The following MRPL37 variants were observed in gnomAD, a reference collection of about 807,000 sequenced individuals.
MRPL37 encodes the protein mitochondrial ribosomal protein L37.
In MRPL37, 34 loss-of-function variants were observed where a neutral mutation model predicts 44.1. The observed-to-expected ratio is 0.77, with a 90% CI of 0.59 to 1.03. MRPL37 has a LOEUF of 1.03. Ranked by LOEUF, MRPL37 falls within the 50% of genes least tolerant of loss-of-function variation. The pLI is 0.00. For synonymous variants in MRPL37, 212 were observed against 219.5 expected (o/e 0.97, Z 0.30); for missense variants, 532 against 543.7 (o/e 0.98, Z 0.21).
downstream of MRPL37, among the ~76,000 whole-genome samples, chr1:54,220,265 C>T (rs1428481095): frequency 6.6e-6 from 1 of 152,154 alleles, no homozygotes; most frequent in South Asian, 2.1e-4. Flanking sequence ...GCGAGTGGGA[C>T]GGAGGCTCTG....
downstream of MRPL37, among the ~76,000 whole-genome samples, chr1:54,221,950 C>T (rs957030819): frequency 2.6e-5 from 4 of 152,202 alleles, no homozygotes; most frequent in African/African-American, 9.7e-5. Flanking sequence ...TGGACACGGC[C>T]AGAGTGGTCT....
At position 54,200,365 on chromosome 1, in the gene MRPL37, C is replaced by T. The variant is rs1644069098; in HGVS notation, c.122C>T (p.Ser41Leu). The change falls in exon 1 of 7, where the codon TCG becomes TTG. Residue 41 changes from serine (S) to leucine (L), a missense_variant. Physicochemically the swap from Ser to Leu is moderately radical, Grantham distance 145 (BLOSUM62 -2). Transcript: ENST00000360840. The part of the protein sequence containing the change: ...YEWGVRSTRK[S>L]EPPPLDRVYE... ...TGGGGCGTGCGCTCCACGCGGAAGT[C>T]GGAGCCTCCTCCCCTGGATAGGGTG... 1.2e-6 allele frequency: 2 copies of T among 1,614,186 alleles called. No individual in the cohort carries two copies. The highest frequency in any genetic ancestry group is 1.7e-6 in the Non-Finnish European group (2 of 1,180,016).
At chr1:54,202,147 G>T (rs991006835) in intron 1 of MRPL37, among the ~76,000 whole-genome samples, 3 of 151,852 alleles carry the variant, frequency 2.0e-5, no homozygotes, top group Non-Finnish European at 2.9e-5. Flanking sequence ...GACCACAGGC[G>T]CATGCCACCA....
rs147081364 is a variant in MRPL37 at position 54,214,057 on chromosome 1, C to T, written c.990+1399C>T. 6.9e-4 allele frequency among the ~76,000 whole-genome samples: 105 copies of T among 152,280 alleles called. 1 individual carries two copies. Among genetic ancestry groups the T allele is most frequent in the East Asian group, 3.9e-3 (20 of 5,192 alleles). ...GATTAGCTGGGTGTGGTGGCATGCA[C>T]GTGTAATCCCAGCTACTCGGGAGGC... On this transcript the variant is annotated intron_variant, in intron 5 of 6. Transcript: ENST00000360840.
At chr1:54,210,609 C>CATG (rs1228407280) in intron 4 of MRPL37, among the ~76,000 whole-genome samples, 1 of 152,154 alleles carries the variant, frequency 6.6e-6, no homozygotes, top group Non-Finnish European at 1.5e-5. Context: ...AGCAAGGGAC[C>CATG]ACCATGTACT....
chr1:54,221,484 A>ACAT (rs1192269210), downstream of MRPL37, among the ~76,000 whole-genome samples: 6 of 152,072 alleles, frequency 3.9e-5, no homozygotes, highest in African/African-American at 1.2e-4. Flanking sequence ...CCCTCAGAAT[A>ACAT]CATCTCCTCA....
downstream of MRPL37, among the ~76,000 whole-genome samples, chr1:54,220,310 T>C (rs1384321392): frequency 6.6e-6 from 1 of 152,110 alleles, no homozygotes; most frequent in Non-Finnish European, 1.5e-5. Context: ...CCTTGTAGCT[T>C]GAGGACTGCC....
chr1:54,210,178 C>T (rs1243113237), intron 4 of MRPL37, 47 bp downstream of exon 4: 8 of 1,566,922 alleles, frequency 5.1e-6, no homozygotes, highest in Admixed American at 3.5e-5. Context: ...AGGAGAAGGA[C>T]ATGCTTTTTC....
chr1:54,212,739 A>G (rs1644173875), intron 5 of MRPL37, 81 bp downstream of exon 5: 1 of 1,554,246 alleles, frequency 6.4e-7, no homozygotes. Flanking sequence ...GAGGAAGAAA[A>G]GGGATATAGG....
intron 3 of MRPL37, among the ~76,000 whole-genome samples, chr1:54,209,450 ATT>A (rs35454838): frequency 1.9e-4 from 26 of 137,696 alleles, no homozygotes; most frequent in African/African-American, 3.7e-4. Context: ...AAAGTCTTTA[ATT>A]TTTTTTTTTT....
chr1:54,201,156 C>A (rs1431397845), intron 1 of MRPL37, among the ~76,000 whole-genome samples: 1 of 152,156 alleles, frequency 6.6e-6, no homozygotes, highest in Non-Finnish European at 1.5e-5. Flanking sequence ...CATGGAGAAG[C>A]TTGTTTATCC....
At chr1:54,218,054 G>A (rs965989064) in intron 6 of MRPL37, 118 bp from the exon 7 acceptor site, 79 of 931,612 alleles carry the variant, frequency 8.5e-5, no homozygotes, top group Non-Finnish European at 2.3e-5. Flanking sequence ...AGAGAGAGAC[G>A]ATGTCAGAAA....
At chr1:54,222,862 G>A (rs189518294), downstream of MRPL37, among the ~76,000 whole-genome samples, 22 of 152,250 alleles carry the variant, frequency 1.4e-4, no homozygotes, top group South Asian at 2.7e-3. Context: ...CTCCACAAAC[G>A]GCATCTCTGT....
rs889352213 is a variant in MRPL37 at position 54,200,528 on chromosome 1, G to T, written c.285G>T (p.Glu95Asp). Residue 95 changes from glutamate (E) to aspartate (D), a missense_variant, in exon 1 of 7, where the codon GAG (glutamate) becomes GAT (aspartate). Physicochemically the swap from Glu to Asp is conservative, Grantham distance 45. Coordinates refer to ENST00000360840, the MANE Select transcript of MRPL37 (RefSeq NM_016491.4). ...PRFYRSPPLH[E>D]HPLYKDQACY... Reference sequence around the variant, plus strand: ...TCTACCGCTCGCCCCCTCTTCACGAGCATCCGCTGTACAAAGACCAGGCCT... The same window carrying T: ...TCTACCGCTCGCCCCCTCTTCACGATCATCCGCTGTACAAAGACCAGGCCT... 3 of 1,614,042 alleles carry T rather than the reference G, an allele frequency of 1.9e-6. No homozygotes were observed. Among genetic ancestry groups the T allele is most frequent in the Admixed American group, 3.3e-5 (2 of 60,020 alleles).
downstream of MRPL37, chr1:54,218,455 C>G: frequency 7.7e-7 from 1 of 1,303,988 alleles, no homozygotes; most frequent in East Asian, 2.6e-5. Flanking sequence ...CCTGACCTGC[C>G]CCAGCTGAAG....
downstream of MRPL37, chr1:54,220,871 C>G (rs1408996197): frequency 2.0e-5 from 9 of 457,408 alleles, no homozygotes; most frequent in Non-Finnish European, 3.7e-5. Context: ...GTGACATTCC[C>G]ATTGTGAACG....
In MRPL37 at chr1:54,200,492, G is replaced by A. The variant is rs1276710102; in HGVS notation, c.249G>A (p.Lys83=). The change falls in exon 1 of 7, where the codon AAG becomes AAA. Residue 83 remains lysine, a synonymous_variant. Transcript: ENST00000360840. ...PIFPPWDRGY[K]DPRFYRSPPL... ...TTCCGCCCTGGGACCGCGGCTACAA[G>A]GACCCAAGGTTCTACCGCTCGCCCC... 6.2e-7 allele frequency: 1 copy of A among 1,614,228 alleles called. No individual in the cohort carries two copies. The highest frequency in any genetic ancestry group is 2.2e-5 in the East Asian group (1 of 44,884).
chr1:54,205,414 G>C lies in MRPL37; in HGVS notation c.646+4G>C. On this transcript the variant is annotated splice_donor_region_variant and intron_variant, in intron 3 of 6. Coordinates refer to ENST00000360840, the MANE Select transcript of MRPL37 (RefSeq NM_016491.4). ...TTTTCTGCTACCTGGAACCGAGGTTGGTCATCTTGTACACCAGAAAGCCTT... is the reference window on the plus strand; with the variant it reads ...TTTTCTGCTACCTGGAACCGAGGTTCGTCATCTTGTACACCAGAAAGCCTT... 1 of 1,610,900 alleles carries C rather than the reference G, an allele frequency of 6.2e-7. No individual in the cohort carries two copies. The highest frequency in any genetic ancestry group is 8.5e-7 in the Non-Finnish European group (1 of 1,177,434).
rs746309363 is a variant in MRPL37, at chr1:54,200,458, G to A, written c.215G>A (p.Arg72Gln). The change falls in exon 1 of 7, where the codon CGG (arginine) becomes CAG (glutamine). Residue 72 changes from arginine to glutamine, a missense_variant. Arg to Gln is a conservative substitution (Grantham distance 43, BLOSUM62 1). Coordinates refer to ENST00000360840, the MANE Select transcript of MRPL37 (RefSeq NM_016491.4). ...ATGCACTTCGTGCCCTGGCTGGCGCGGCCGATCTTTCCGCCCTGGGACCGC... is the reference window on the plus strand; with the variant it reads ...ATGCACTTCGTGCCCTGGCTGGCGCAGCCGATCTTTCCGCCCTGGGACCGC... Reference protein sequence around the residue: ...GKMHFVPWLARPIFPPWDRGY... With the variant: ...GKMHFVPWLAQPIFPPWDRGY... The A allele has an allele frequency of 8.1e-6, 13 of 1,614,078 alleles. 1 individual carries two copies. In the African/African-American group the frequency reaches 1.6e-4, roughly 20 times the overall value.
Sources: allele counts gnomAD v4.1 joint callset (sites outside exome capture counted in the v4.1 genomes callset), GRCh38; gene constraint gnomAD v4.1.1; transcripts MANE v1.5; gene names NCBI Gene and HGNC (gene_info 2026-07-23, HGNC 2026-07-21).